The following CBR4 variants were observed in gnomAD, a reference collection of about 807,000 sequenced individuals.
CBR4 encodes the protein carbonyl reductase 4.
In CBR4, 22 loss-of-function variants were observed where a neutral mutation model predicts 21.0. The observed-to-expected ratio is 1.05, with a 90% CI of 0.75 to 1.50. The LOEUF (loss-of-function observed/expected upper bound fraction) is 1.50. CBR4 is among the 40% of genes most tolerant of loss of function. The pLI is 0.00. For synonymous variants in CBR4, 100 were observed against 104.4 expected, an observed-to-expected ratio of 0.96 and a Z score of 0.26; for missense variants, 302 against 286.3, an observed-to-expected ratio of 1.05 and a Z score of -0.40.
At chr4:168,930,235 A>C (rs1300744371) in intron 2 of CBR4, among the ~76,000 whole-genome samples, 2 of 152,290 alleles carry the variant, frequency 1.3e-5, no homozygotes, top group Non-Finnish European at 2.9e-5. Flanking sequence ...TTATGCCTCC[A>C]TGAACATTAT....
chr4:168,928,906 C>CCTGA (rs747218016), intron 2 of CBR4, among the ~76,000 whole-genome samples: 8 of 152,168 alleles, frequency 5.3e-5, no homozygotes, highest in Non-Finnish European at 1.2e-4. Context: ...CTTAAAGTCA[C>CCTGA]CTGACTTTGG....
chr4:168,995,347 A>C (rs536508144), intron 4 of CBR4, among the ~76,000 whole-genome samples: 3 of 152,194 alleles, frequency 2.0e-5, no homozygotes, highest in Non-Finnish European at 4.4e-5. Context: ...GTAAGGCCAC[A>C]AAAGTTGTGA....
chr4:168,926,928 AGG>A (rs1762645702), intron 2 of CBR4: 1 of 220,134 alleles, frequency 4.5e-6, no homozygotes, highest in African/African-American at 2.2e-5. Flanking sequence ...TTAAATCATA[AGG>A]AAGGAACTAC....
intron 2 of CBR4, 115 bp downstream of exon 2, chr4:169,007,521 T>TCA: frequency 1.8e-6 from 1 of 544,892 alleles, no homozygotes; most frequent in Non-Finnish European, 2.8e-6. Context: ...TTTAAAATAG[T>TCA]TTTTTCTCCC....
At chr4:168,926,768 G>T in intron 2 of CBR4, 1 of 246,642 alleles carries the variant, frequency 4.1e-6, no homozygotes, top group Non-Finnish European at 7.9e-6. Flanking sequence ...TGTTTAATGA[G>T]GGAGTTGTAC....
intron 2 of CBR4, among the ~76,000 whole-genome samples, chr4:168,937,636 C>CAAAA (rs139482274): frequency 3.6e-5 from 5 of 138,852 alleles, no homozygotes; most frequent in African/African-American, 1.4e-4. Context: ...ATAAAAAAAG[C>CAAAA]AAAAAAAAAA....
intron 1 of CBR4, chr4:169,009,025 G>C: frequency 2.2e-6 from 1 of 453,660 alleles, no homozygotes; most frequent in Non-Finnish European, 4.4e-6. Context: ...CAGGAGTTGG[G>C]GTCCAGCACG....
At chr4:168,897,128 C>T (rs1282598363) in intron 2 of CBR4, among the ~76,000 whole-genome samples, 1 of 152,134 alleles carries the variant, frequency 6.6e-6, no homozygotes, top group African/African-American at 2.4e-5. Context: ...CAGTGCCTGG[C>T]CTCTGACTTG....
At chr4:168,976,487 C>T (rs1454072827) in intron 2 of CBR4, among the ~76,000 whole-genome samples, 3 of 152,160 alleles carry the variant, frequency 2.0e-5, no homozygotes, top group Non-Finnish European at 2.9e-5. Flanking sequence ...GTGGGATTAT[C>T]ATTAGTTCTT....
downstream of CBR4, chr4:168,987,515 A>G (rs955760858): frequency 4.2e-5 from 16 of 383,180 alleles, no homozygotes; most frequent in Middle Eastern, 1.3e-3. Flanking sequence ...CAAAAGTTTT[A>G]CAATTGAATT....
intron 4 of CBR4, among the ~76,000 whole-genome samples, chr4:168,995,801 C>T (rs980441322): frequency 6.6e-6 from 1 of 152,060 alleles, no homozygotes; most frequent in Non-Finnish European, 1.5e-5. Flanking sequence ...GACATGTGAT[C>T]CCCCAAAAAC....
intron 2 of CBR4, chr4:168,924,887 A>T: frequency 6.3e-7 from 1 of 1,578,258 alleles, no homozygotes; most frequent in Non-Finnish European, 8.7e-7. Context: ...ATGATGCTTC[A>T]TGTCCAAAGC....
chr4:168,922,513 G>T (rs1027699043), intron 2 of CBR4, among the ~76,000 whole-genome samples: 3 of 152,156 alleles, frequency 2.0e-5, no homozygotes, highest in South Asian at 2.1e-4. Flanking sequence ...CTGATGATTA[G>T]ATTTAACACA....
chr4:168,977,929 AGGT>A (rs59198873), intron 2 of CBR4, among the ~76,000 whole-genome samples: 102,559 of 151,726 alleles, frequency 0.68, 36,610 homozygotes, highest in East Asian at 0.96. Context: ...CTCTCACATG[AGGT>A]AATGGGTACT....
At chr4:168,919,825 G>A (rs1198988027) in intron 2 of CBR4, among the ~76,000 whole-genome samples, 1 of 152,162 alleles carries the variant, frequency 6.6e-6, no homozygotes, top group African/African-American at 2.4e-5. Context: ...ATTGTGACCT[G>A]CTGGTGGTGA....
At chr4:168,898,901 G>A (rs1366635165) in intron 2 of CBR4, among the ~76,000 whole-genome samples, 2 of 152,146 alleles carry the variant, frequency 1.3e-5, no homozygotes, top group Non-Finnish European at 2.9e-5. Flanking sequence ...AAAAGGTGGT[G>A]GGGGGAGTGG....
At chr4:168,996,202 T>G (rs938150212) in intron 4 of CBR4, among the ~76,000 whole-genome samples, 10 of 152,320 alleles carry the variant, frequency 6.6e-5, no homozygotes, top group Admixed American at 5.2e-4. Context: ...AGAGGCCAAG[T>G]TGAAAGGAAG....
intron 2 of CBR4, among the ~76,000 whole-genome samples, chr4:168,969,201 G>C (rs1034677602): frequency 1.3e-5 from 2 of 152,202 alleles, no homozygotes; most frequent in Non-Finnish European, 2.9e-5. Context: ...GAGAAAGGTT[G>C]GACAGCTGCT....
At position 169,002,740 on chromosome 4, in the gene CBR4, ATTT is replaced by A. The variant is rs34433008; in HGVS notation, c.401-538_401-536del. Among the ~76,000 whole-genome samples, 969 of 142,480 alleles carry A rather than the reference ATTT, an allele frequency of 6.8e-3. 11 individuals are homozygous for A. The highest frequency in any genetic ancestry group is 0.019 in the African/African-American group (755 of 39,382). 93.5% of individuals were successfully genotyped at this position (142,480 alleles called of 152,430 possible). A position where few individuals can be genotyped will look rare whatever the true frequency, so the allele number is the denominator to read the frequency against. On this transcript the variant is annotated intron_variant, in intron 3 of 4. Coordinates refer to ENST00000306193, the MANE Select transcript of CBR4 (RefSeq NM_032783.5). ...CTTTATTGTGCTTTGCAGATATTGC[ATTT>A]TTTTTTTTTTTTTTTAACAAATTGA...
Sources: gnomAD v4.1 joint callset for allele counts (sites outside exome capture counted in the v4.1 genomes callset) on GRCh38, gnomAD v4.1.1 for gene constraint, MANE v1.5 for transcripts, NCBI Gene and HGNC (gene_info 2026-07-23, HGNC 2026-07-21) for gene names.